Variants in PHTF1 observed in about 807,000 individuals in gnomAD.
PHTF1 encodes protein PHTF1.
PHTF1 carries 88 observed loss-of-function variants against 102.4 expected under a neutral mutation model. The observed-to-expected ratio is 0.86, with a 90% confidence interval of 0.72 to 1.03. The LOEUF (loss-of-function observed/expected upper bound fraction) is 1.03. PHTF1 is among the 50% of genes least tolerant of loss of function. The probability of loss-of-function intolerance (pLI) is 0.00; values close to 1 mark genes in which losing one functional copy is unlikely to be tolerated. For missense variants in PHTF1, 814 were observed against 909.5 expected, an observed-to-expected ratio of 0.89 and a Z score of 1.35; for synonymous variants, 289 against 305.2, an observed-to-expected ratio of 0.95 and a Z score of 0.55.
intron 7 of PHTF1, among the ~76,000 whole-genome samples, chr1:113,724,449 G>A (rs1653499879): frequency 6.6e-6 from 1 of 150,812 alleles, no homozygotes; most frequent in Admixed American, 6.6e-5. Flanking sequence ...GCTGAGGCAG[G>A]AGAATCGCTT....
chr1:113,724,981 A>G, intron 6 of PHTF1, 88 bp from the exon 7 acceptor site: 2 of 850,188 alleles, frequency 2.4e-6, no homozygotes, highest in Non-Finnish European at 3.6e-6. Flanking sequence ...TATACTGACA[A>G]ATTACTACCT....
intron 7 of PHTF1, among the ~76,000 whole-genome samples, chr1:113,724,270 T>C (rs1653475240): frequency 6.6e-6 from 1 of 152,190 alleles, no homozygotes; most frequent in South Asian, 2.1e-4. Flanking sequence ...CTGCTAGGTA[T>C]ATAACCAAAA....
At chr1:113,712,953 G>A (rs1040855792) in intron 8 of PHTF1, among the ~76,000 whole-genome samples, 17 of 151,958 alleles carry the variant, frequency 1.1e-4, no homozygotes, top group African/African-American at 3.9e-4. Flanking sequence ...CAACACGCCC[G>A]GCTAATTTTT....
chr1:113,757,862 TG>T, intron 2 of PHTF1, 107 bp from the exon 3 acceptor site: 1 of 706,988 alleles, frequency 1.4e-6, no homozygotes, highest in Admixed American at 2.3e-5. Context: ...ATATGCTATG[TG>T]GAAAATATGC....
At chr1:113,755,329 C>T (rs1571266291) in intron 3 of PHTF1, among the ~76,000 whole-genome samples, 1 of 152,174 alleles carries the variant, frequency 6.6e-6, no homozygotes, top group Admixed American at 6.5e-5. Flanking sequence ...TCTCCCATCA[C>T]TATCAGACTG....
chr1:113,711,802 C>CA lies in PHTF1; in HGVS notation c.990dup (p.Val331CysfsTer6). On this transcript the variant is annotated frameshift_variant, in exon 10 of 19. Coordinates refer to ENST00000369604, the MANE Select transcript of PHTF1 (RefSeq NM_001323043.2). LOFTEE classifies it high-confidence loss of function. ...TCAGCCAGACTATCTGAATCCCGCA[C>CA]AATATGACACCACCTTGTAGTGGTT... 1 of 1,614,044 alleles carries CA rather than the reference C, an allele frequency of 6.2e-7. No homozygotes were observed. Among genetic ancestry groups the CA allele is most frequent in the African/African-American group, 1.3e-5 (1 of 75,048 alleles).
chr1:113,721,837 C>A lies in PHTF1; in HGVS notation c.623+2922G>T, dbSNP rs545850273. ...CCCAAGTAGCTGGGACTACAGGTGCCCGCCACCACGCCCGGCTAATTTTTT... is the reference window on the plus strand; with the variant it reads ...CCCAAGTAGCTGGGACTACAGGTGCACGCCACCACGCCCGGCTAATTTTTT... On this transcript the variant is annotated intron_variant, in intron 7 of 18. Coordinates refer to ENST00000369604, the MANE Select transcript of PHTF1 (RefSeq NM_001323043.2). Among the ~76,000 whole-genome samples the A allele has an allele frequency of 3.0e-3, 462 of 151,988 alleles. 1 individual carries two copies. The highest frequency in any genetic ancestry group is 5.1e-3 in the Non-Finnish European group (350 of 67,970).
intron 15 of PHTF1, among the ~76,000 whole-genome samples, chr1:113,702,407 T>C (rs1649546038): frequency 1.3e-5 from 2 of 151,600 alleles, no homozygotes; most frequent in Admixed American, 6.6e-5. Context: ...TAACATTAAG[T>C]TTAAATGGGC....
At chr1:113,736,901 G>A (rs1655583888) in intron 5 of PHTF1, among the ~76,000 whole-genome samples, 1 of 152,118 alleles carries the variant, frequency 6.6e-6, no homozygotes, top group Non-Finnish European at 1.5e-5. Context: ...TAAGAACTTT[G>A]GATTTTTATT....
At chr1:113,755,983 T>C (rs1185442355) in intron 3 of PHTF1, among the ~76,000 whole-genome samples, 13 of 149,488 alleles carry the variant, frequency 8.7e-5, no homozygotes, top group Admixed American at 4.0e-4. Flanking sequence ...AGGAGAATGG[T>C]GTGAACCCAG....
intron 7 of PHTF1, among the ~76,000 whole-genome samples, chr1:113,724,533 T>G (rs979682221): frequency 4.6e-5 from 6 of 129,484 alleles, no homozygotes; most frequent in Admixed American, 1.6e-4. Flanking sequence ...AGAATGAGAC[T>G]CCATTTCAAA....
At chr1:113,712,684 C>T (rs1651314673) in intron 8 of PHTF1, among the ~76,000 whole-genome samples, 1 of 152,176 alleles carries the variant, frequency 6.6e-6, no homozygotes, top group Admixed American at 6.5e-5. Flanking sequence ...CAAACTCTTA[C>T]TATACTATCA....
chr1:113,697,647 T>C lies in PHTF1; in HGVS notation c.*58A>G, dbSNP rs563105856. 3 of 1,302,528 alleles carry C rather than the reference T, an allele frequency of 2.3e-6. No homozygotes were observed. Among genetic ancestry groups the C allele is most frequent in the South Asian group, 1.2e-5 (1 of 84,028 alleles). 80.7% of individuals were successfully genotyped at this position (1,302,528 alleles called of 1,614,324 possible). A position where few individuals can be genotyped will look rare whatever the true frequency, so the allele number is the denominator to read the frequency against. On this transcript the variant is annotated 3_prime_UTR_variant, in exon 19 of 19. Transcript: ENST00000369604. ...TCTCACTGGTTTCTGCAGTCATCAC[T>C]TTCCTTGATAGGTAAGTTTTGATAC...
chr1:113,739,034 G>A (rs1655949710), intron 3 of PHTF1, among the ~76,000 whole-genome samples: 1 of 152,082 alleles, frequency 6.6e-6, no homozygotes, highest in South Asian at 2.1e-4. Context: ...TGTATTTTTA[G>A]TAGAGATGGG....
chr1:113,721,046 A>G (rs1652848087), intron 7 of PHTF1, among the ~76,000 whole-genome samples: 1 of 152,242 alleles, frequency 6.6e-6, no homozygotes, highest in East Asian at 1.9e-4. Flanking sequence ...CAGAGTTTGC[A>G]GTGAGCCAAG....
At chr1:113,706,826 T>G in intron 11 of PHTF1, 104 bp from the exon 12 acceptor site, 1 of 593,634 alleles carries the variant, frequency 1.7e-6, no homozygotes, top group Non-Finnish European at 2.9e-6. Flanking sequence ...TAACCACCTC[T>G]ATAATGCTGG....
Position 113,704,776 on chromosome 1 carries a change from A to G in PHTF1, c.1693T>C (p.Phe565Leu). Residue 565 changes from phenylalanine to leucine, a missense_variant, in exon 14 of 19, where the codon TTC (phenylalanine) becomes CTC (leucine). Phe to Leu is a conservative substitution (Grantham distance 22, BLOSUM62 0). Coordinates refer to ENST00000369604, the MANE Select transcript of PHTF1 (RefSeq NM_001323043.2). ...YKQRFLFAKL[F>L]SHITSARKAR... ...TTCCTGGCAGAAGTAATATGGCTGA[A>G]GAGTTTTGCAAATAAAAATCTCTAG... is the stretch of plus-strand genomic sequence containing the variant. The G allele has an allele frequency of 1.3e-6, 2 of 1,593,678 alleles. No individual in the cohort carries two copies. Among genetic ancestry groups the G allele is most frequent in the Non-Finnish European group, 1.7e-6 (2 of 1,163,962 alleles).
At chr1:113,728,105 A>C (rs756435677) in intron 5 of PHTF1, among the ~76,000 whole-genome samples, 17 of 152,212 alleles carry the variant, frequency 1.1e-4, no homozygotes, top group Non-Finnish European at 2.2e-4. Context: ...GGCGGGGCGG[A>C]GGGCCGGGCC....
chr1:113,698,660 T>C (rs1040024849), intron 17 of PHTF1, among the ~76,000 whole-genome samples: 54 of 139,308 alleles, frequency 3.9e-4, no homozygotes, highest in South Asian at 2.2e-3. Context: ...CACACACACA[T>C]ACACACATAT....
Sources: allele counts gnomAD v4.1 joint callset (sites outside exome capture counted in the v4.1 genomes callset), GRCh38; gene constraint gnomAD v4.1.1; transcripts MANE v1.5; gene names NCBI Gene and HGNC (gene_info 2026-07-23, HGNC 2026-07-21).